The following TMC5 variants were observed in gnomAD, a reference collection of about 807,000 sequenced individuals.
The protein encoded by TMC5 is transmembrane channel like 5, also known as transmembrane channel-like protein 5.
TMC5 carries 86 observed loss-of-function variants against 110.5 expected under a neutral mutation model. The observed-to-expected ratio is 0.78, with a 90% CI of 0.65 to 0.93. The LOEUF is 0.93. Among genes scored for constraint, TMC5 ranks in the 40% least tolerant of loss-of-function variants. The pLI is 0.00. For missense variants in TMC5, 1,144 were observed against 1,222.8 expected (o/e 0.94, Z 0.96); for synonymous variants, 455 against 439.5 (o/e 1.04, Z -0.44).
chr16:19,464,885 A>AT (rs1555483882), intron 8 of TMC5, among the ~76,000 whole-genome samples: 1 of 151,124 alleles, frequency 6.6e-6, no homozygotes, highest in Non-Finnish European at 1.5e-5. Flanking sequence ...TACATACTTG[A>AT]TAAAAAAAAA....
chr16:19,456,463 C>T, intron 5 of TMC5: 2 of 1,187,696 alleles, frequency 1.7e-6, no homozygotes, highest in African/African-American at 1.5e-5. Context: ...GAATTCTCTG[C>T]AGGAAAACAC....
At chr16:19,419,797 G>A (rs1023240568) in intron 1 of TMC5, among the ~76,000 whole-genome samples, 1 of 152,180 alleles carries the variant, frequency 6.6e-6, no homozygotes, top group African/African-American at 2.4e-5. Context: ...AAGCTATAGA[G>A]TATCTTCATA....
At chr16:19,444,013 ATGGAT>A in intron 3 of TMC5, 63 bp from the exon 4 acceptor site, 1 of 1,419,446 alleles carries the variant, frequency 7.0e-7, no homozygotes, top group Admixed American at 1.9e-5. Context: ...GGATGGATGG[ATGGAT>A]GGATGGATGA....
intron 4 of TMC5, 93 bp downstream of exon 4, chr16:19,444,343 G>T: frequency 8.7e-7 from 1 of 1,144,768 alleles, no homozygotes; most frequent in Admixed American, 2.4e-5. Context: ...GGCAATAGGA[G>T]AATTGGTGTA....
chr16:19,492,564 A>C (rs1017447207), intron 19 of TMC5, among the ~76,000 whole-genome samples: 3 of 151,498 alleles, frequency 2.0e-5, no homozygotes, highest in East Asian at 3.9e-4. Context: ...TCCTGCCCCA[A>C]CCTCCCAAGT....
At chr16:19,429,557 G>A (rs777866227) in intron 1 of TMC5, among the ~76,000 whole-genome samples, 2 of 152,080 alleles carry the variant, frequency 1.3e-5, no homozygotes, top group Non-Finnish European at 2.9e-5. Context: ...GTGTGTGAGC[G>A]TCCCATGACC....
At chr16:19,427,894 G>A (rs150317013) in intron 1 of TMC5, among the ~76,000 whole-genome samples, 3 of 152,282 alleles carry the variant, frequency 2.0e-5, no homozygotes, top group East Asian at 3.9e-4. Flanking sequence ...CGCACACTGC[G>A]TACTTCAAAC....
chr16:19,458,214 T>G (rs903710770), intron 5 of TMC5, among the ~76,000 whole-genome samples: 2 of 152,082 alleles, frequency 1.3e-5, no homozygotes, highest in African/African-American at 4.8e-5. Flanking sequence ...TAATTTAATT[T>G]AATGTATTTA....
At chr16:19,491,992 T>A (rs1968919176) in intron 18 of TMC5, among the ~76,000 whole-genome samples, 158 bp from the exon 19 acceptor site, 2 of 152,220 alleles carry the variant, frequency 1.3e-5, no homozygotes, top group African/African-American at 2.4e-5. Context: ...ATTGTTCCAA[T>A]GTATTTAACC....
At chr16:19,484,471 G>A (rs970920649) in intron 15 of TMC5, among the ~76,000 whole-genome samples, 3 of 151,972 alleles carry the variant, frequency 2.0e-5, no homozygotes, top group Non-Finnish European at 4.4e-5. Context: ...CAGGGTTTTC[G>A]AGGGGATTAA....
In TMC5 at chr16:19,425,607, C is replaced by CT. The variant is rs540575033; in HGVS notation, c.-307-4803dup. ...GCGCACAGCTGTTATCCTGGGATTT[C>CT]TTTCCATTGTCTCTTGAATATCATT... On this transcript the variant is annotated intron_variant, in intron 1 of 21. Transcript: ENST00000542583. Among the ~76,000 whole-genome samples the CT allele has an allele frequency of 4.6e-5, 7 of 152,262 alleles. No individual in the cohort carries two copies. In the South Asian group the frequency reaches 1.5e-3, roughly 32 times the overall value.
chr16:19,458,493 G>T (rs960352357), intron 5 of TMC5, among the ~76,000 whole-genome samples: 3 of 152,122 alleles, frequency 2.0e-5, no homozygotes, highest in African/African-American at 2.4e-5. Context: ...GATTACAGGT[G>T]TGAGCCACCA....
At chr16:19,447,524 CAT>C (rs1465588139) in intron 4 of TMC5, among the ~76,000 whole-genome samples, 4 of 152,102 alleles carry the variant, frequency 2.6e-5, no homozygotes, top group Non-Finnish European at 4.4e-5. Context: ...AATCATTTCA[CAT>C]GTGTTCACTG....
chr16:19,451,099 A>T (rs1967737934), intron 5 of TMC5, among the ~76,000 whole-genome samples: 1 of 152,204 alleles, frequency 6.6e-6, no homozygotes. Context: ...ACGCCATTGC[A>T]GTCTAGCCTA....
chr16:19,456,593 T>A (rs553035175), intron 5 of TMC5: 3 of 1,492,674 alleles, frequency 2.0e-6, no homozygotes, highest in South Asian at 2.8e-5. Context: ...GGTGTATCCC[T>A]TTGTGATCAT....
At chr16:19,482,892 T>C (rs1490059634) in intron 15 of TMC5, among the ~76,000 whole-genome samples, 1 of 152,102 alleles carries the variant, frequency 6.6e-6, no homozygotes. Context: ...TTCTTATTAT[T>C]TTTTTGAGAC....
chr16:19,486,231 A>T (rs1968736951), intron 15 of TMC5, among the ~76,000 whole-genome samples: 2 of 152,174 alleles, frequency 1.3e-5, no homozygotes, highest in African/African-American at 4.8e-5. Context: ...CCAGAAGGCC[A>T]AGATCAAGGT....
upstream of TMC5, among the ~76,000 whole-genome samples, chr16:19,415,444 C>A (rs554529891): frequency 6.6e-6 from 1 of 152,092 alleles, no homozygotes; most frequent in Admixed American, 6.6e-5. Context: ...GTTGGGGTGT[C>A]CTCCTGGTAT....
upstream of TMC5, among the ~76,000 whole-genome samples, chr16:19,417,026 G>A (rs1194175599): frequency 6.8e-5 from 10 of 147,788 alleles, no homozygotes; most frequent in East Asian, 2.0e-4. Context: ...CCTGGGAGGC[G>A]GAGGTTGCAG....
Sources: allele counts gnomAD v4.1 joint callset (sites outside exome capture counted in the v4.1 genomes callset), GRCh38; gene constraint gnomAD v4.1.1; transcripts MANE v1.5; gene names NCBI Gene and HGNC (gene_info 2026-07-23, HGNC 2026-07-21).